KCTD8: variants seen among roughly 807,000 people sequenced by gnomAD.
KCTD8 encodes potassium channel tetramerization domain containing 8.
KCTD8 carries 27 observed loss-of-function variants against 31.5 expected under a neutral mutation model. The ratio of observed to expected loss-of-function variants is 0.86; its 90% confidence interval spans 0.63 to 1.18. The LOEUF is 1.18. KCTD8 is among the 50% of genes most tolerant of loss of function. The probability of loss-of-function intolerance (pLI) is 0.00; values close to 1 mark genes in which losing one functional copy is unlikely to be tolerated. For synonymous variants in KCTD8, 290 were observed against 280.0 expected (o/e 1.04, Z -0.36); for missense variants, 658 against 647.7 (o/e 1.02, Z -0.17).
At chr4:44,272,121 T>TATATATATATATATATATATATATATATA (rs1716629513) in intron 1 of KCTD8, among the ~76,000 whole-genome samples, 29 of 142,536 alleles carry the variant, frequency 2.0e-4, no homozygotes, top group African/African-American at 7.9e-4. Flanking sequence ...TGGTATTATA[T>TATATATATATATATATATATATATATATA]TATATATATA....
intron 1 of KCTD8, among the ~76,000 whole-genome samples, chr4:44,359,332 T>C (rs1719439207): frequency 6.6e-6 from 1 of 152,124 alleles, no homozygotes; most frequent in Non-Finnish European, 1.5e-5. Flanking sequence ...CCCTGAAACA[T>C]CAAATGCTTT....
chr4:44,191,566 T>C (rs552978875), intron 1 of KCTD8, among the ~76,000 whole-genome samples: 2 of 152,230 alleles, frequency 1.3e-5, no homozygotes, highest in East Asian at 3.9e-4. Flanking sequence ...AGAATTGTAT[T>C]CCTGGGAGGA....
intron 1 of KCTD8, among the ~76,000 whole-genome samples, chr4:44,312,064 A>AT: frequency 6.6e-6 from 1 of 152,108 alleles, no homozygotes; most frequent in Admixed American, 6.6e-5. Context: ...TCTATTCATG[A>AT]TTTTTTAAAA....
At position 44,175,088 on chromosome 4, in the gene KCTD8, C is replaced by T; in HGVS notation, c.1124G>A (p.Ser375Asn). 6.2e-7 allele frequency: 1 copy of T among 1,614,052 alleles called. No individual in the cohort carries two copies. Among genetic ancestry groups the T allele is most frequent in the East Asian group, 2.2e-5 (1 of 44,868 alleles). The change falls in exon 2 of 2, where the codon AGT becomes AAT. Residue 375 changes from serine to asparagine, a missense_variant. By Grantham distance (46) the Ser-to-Asn change is conservative. Coordinates refer to ENST00000360029, the MANE Select transcript of KCTD8 (RefSeq NM_198353.3). ...EASTPQDNPS[S>N]AQQATAHQPN... ...TTGGTGAGCTGTTGCCTGCTGGGCA[C>T]TGGATGGGTTGTCCTGGGGAGTGCT...
Position 44,239,045 on chromosome 4 carries a change from C to T in KCTD8, c.962-63795G>A, listed in dbSNP as rs562255329. On this transcript the variant is annotated intron_variant, in intron 1 of 1. Transcript: ENST00000360029. ...AACAAATTCTACAAATTGCTAGTCACGTGCAGGGGTAAAGTTAAATAGCCT... is the reference window on the plus strand; with the variant it reads ...AACAAATTCTACAAATTGCTAGTCATGTGCAGGGGTAAAGTTAAATAGCCT... 8.7e-4 allele frequency among the ~76,000 whole-genome samples: 132 copies of T among 152,260 alleles called. No homozygotes were observed. In the South Asian group the frequency reaches 0.016, roughly 19 times the overall value.
intron 1 of KCTD8, among the ~76,000 whole-genome samples, chr4:44,314,256 GAGAT>G (rs1183963425): frequency 2.0e-5 from 3 of 152,148 alleles, no homozygotes; most frequent in African/African-American, 7.2e-5. Context: ...AAAAAACAGA[GAGAT>G]AGAGGATTCT....
chr4:44,323,515 A>G (rs1718358724), intron 1 of KCTD8, among the ~76,000 whole-genome samples: 1 of 114,576 alleles, frequency 8.7e-6, no homozygotes, highest in African/African-American at 3.3e-5. Flanking sequence ...CCCCCAAAAA[A>G]AATTAAAAAT....
rs112192495 is a variant in KCTD8, at chr4:44,325,532, G to A, written c.961+122031C>T. Among the ~76,000 whole-genome samples, 1,399 of 151,874 alleles carry A rather than the reference G, an allele frequency of 9.2e-3. 16 individuals are homozygous for A. Among genetic ancestry groups the A allele is most frequent in the Middle Eastern group, 0.02 (6 of 294 alleles). On this transcript the variant is annotated intron_variant, in intron 1 of 1. Transcript: ENST00000360029. The stretch of plus-strand genomic sequence containing the variant: ...GTAACTGAAAGGATACATGCTTGAG[G>A]GAATGGATACCCCATAATCCATGCT...
chr4:44,350,318 A>C (rs1283731719), intron 1 of KCTD8, among the ~76,000 whole-genome samples: 1 of 152,200 alleles, frequency 6.6e-6, no homozygotes, highest in African/African-American at 2.4e-5. Flanking sequence ...CCTTCTGATA[A>C]CCAGATGTTC....
At chr4:44,181,444 C>T (rs1038925380) in intron 1 of KCTD8, among the ~76,000 whole-genome samples, 4 of 152,316 alleles carry the variant, frequency 2.6e-5, no homozygotes, top group East Asian at 1.9e-4. Flanking sequence ...GACGGGGTTT[C>T]GCTGTGTTGG....
intron 1 of KCTD8, among the ~76,000 whole-genome samples, chr4:44,309,546 T>C (rs1037433765): frequency 5.3e-5 from 8 of 152,200 alleles, no homozygotes; most frequent in Non-Finnish European, 8.8e-5. Flanking sequence ...TGCTTAATTC[T>C]CTTTTACTCA....
intron 1 of KCTD8, among the ~76,000 whole-genome samples, chr4:44,353,526 C>T (rs1456502407): frequency 6.6e-6 from 1 of 151,986 alleles, no homozygotes; most frequent in Non-Finnish European, 1.5e-5. Flanking sequence ...TCATTAACTA[C>T]AGTTTCCCTA....
At chr4:44,192,210 T>C (rs2109335263) in intron 1 of KCTD8, among the ~76,000 whole-genome samples, 1 of 152,280 alleles carries the variant, frequency 6.6e-6, no homozygotes, top group South Asian at 2.1e-4. Context: ...TTGGAGAAAT[T>C]TGGAGAAAAT....
At chr4:44,278,566 C>T (rs1488368891) in intron 1 of KCTD8, among the ~76,000 whole-genome samples, 2 of 151,954 alleles carry the variant, frequency 1.3e-5, no homozygotes, top group Non-Finnish European at 2.9e-5. Flanking sequence ...GAAGAAAGAG[C>T]CAATAGTCAT....
intron 1 of KCTD8, among the ~76,000 whole-genome samples, chr4:44,289,694 G>A (rs918434995): frequency 6.6e-6 from 1 of 152,116 alleles, no homozygotes; most frequent in Non-Finnish European, 1.5e-5. Context: ...GGGGGTGTGT[G>A]GGGGGTCTGA....
intron 1 of KCTD8, among the ~76,000 whole-genome samples, chr4:44,402,211 T>C (rs546545749): frequency 3.3e-5 from 5 of 152,300 alleles, no homozygotes; most frequent in Admixed American, 3.3e-4. Flanking sequence ...TTAGTCATGC[T>C]CTTAATTTGA....
At chr4:44,213,201 G>T (rs1714546355) in intron 1 of KCTD8, among the ~76,000 whole-genome samples, 1 of 152,144 alleles carries the variant, frequency 6.6e-6, no homozygotes, top group African/African-American at 2.4e-5. Context: ...CTCCCAGAGT[G>T]CTGGGAATAC....
chr4:44,237,270 G>T (rs1181362575), intron 1 of KCTD8, among the ~76,000 whole-genome samples: 1 of 151,978 alleles, frequency 6.6e-6, no homozygotes, highest in Admixed American at 6.6e-5. Context: ...TCTCTCCCAG[G>T]GAGGAGGAAT....
At chr4:44,378,127 G>A (rs1719963190) in intron 1 of KCTD8, among the ~76,000 whole-genome samples, 1 of 149,886 alleles carries the variant, frequency 6.7e-6, no homozygotes, top group Admixed American at 6.7e-5. Flanking sequence ...CCACCTCTCT[G>A]AGATAACTAT....
Sources: allele counts gnomAD v4.1 joint callset (sites outside exome capture counted in the v4.1 genomes callset), GRCh38; gene constraint gnomAD v4.1.1; transcripts MANE v1.5; gene names NCBI Gene and HGNC (gene_info 2026-07-23, HGNC 2026-07-21).